The following DNAH12 variants were observed in gnomAD, a reference collection of about 807,000 sequenced individuals.
The protein encoded by DNAH12 is axonemal beta dynein heavy chain 12.
A neutral mutation model predicts 371.5 loss-of-function variants in DNAH12; 285 were observed. The ratio of observed to expected loss-of-function variants is 0.77; its 90% confidence interval spans 0.70 to 0.85. The LOEUF (loss-of-function observed/expected upper bound fraction) is 0.85. Among genes scored for constraint, DNAH12 ranks in the 40% least tolerant of loss-of-function variants. The pLI is 0.00. For synonymous variants in DNAH12, 1,200 were observed against 1,213.0 expected, an observed-to-expected ratio of 0.99 and a Z score of 0.22; for missense variants, 3,611 against 3,689.4, an observed-to-expected ratio of 0.98 and a Z score of 0.55.
chr3:57,325,353 T>C (rs9790207), intron 62 of DNAH12, among the ~76,000 whole-genome samples: 52,497 of 152,062 alleles, frequency 0.35, 9,743 homozygotes, highest in African/African-American at 0.47. Context: ...CTCACACGGC[T>C]GGGTACTCCT....
rs1553680997 is a variant in DNAH12 at position 57,405,814 on chromosome 3, T to G, written c.6415A>C (p.Ile2139Leu). The stretch of plus-strand genomic sequence containing the variant: ...AGAACCTCATGCACAAACAGACGGA[T>G]CATAGTGTGTTTGTTCGCCACGGCG... The part of the protein sequence containing the change: ...RDAVANKHTM[I>L]RLFVHEVLRV... The change falls in exon 41 of 74, where the codon ATC (isoleucine) becomes CTC (leucine). Residue 2139 changes from isoleucine (I) to leucine (L), a missense_variant. Ile to Leu is a conservative substitution (Grantham distance 5). Coordinates refer to ENST00000495027, the MANE Select transcript of DNAH12 (RefSeq NM_001366028.2). The G allele has an allele frequency of 6.4e-7, 1 of 1,551,658 alleles. No homozygotes were observed. The highest frequency in any genetic ancestry group is 8.7e-7 in the Non-Finnish European group (1 of 1,146,982).
chr3:57,347,521 G>A (rs1553658458), intron 60 of DNAH12, among the ~76,000 whole-genome samples: 1 of 152,092 alleles, frequency 6.6e-6, no homozygotes, highest in African/African-American at 2.4e-5. Flanking sequence ...TTTGTGACCA[G>A]CCTGGCCAAC....
At chr3:57,530,226 G>A (rs2068794417) in intron 2 of DNAH12, 1 of 196,112 alleles carries the variant, frequency 5.1e-6, no homozygotes, top group Non-Finnish European at 1.0e-5. Context: ...TCATCCCCCT[G>A]CTTTTTAACT....
intron 33 of DNAH12, 136 bp downstream of exon 33, chr3:57,429,555 G>A (rs1342639942): frequency 2.3e-5 from 17 of 754,580 alleles, no homozygotes; most frequent in Non-Finnish European, 6.4e-6. Flanking sequence ...CCCTAAACAA[G>A]CATACACTGT....
chr3:57,411,552 A>AAG (rs2064206333), intron 39 of DNAH12, among the ~76,000 whole-genome samples: 3 of 68,448 alleles, frequency 4.4e-5, no homozygotes, highest in Admixed American at 3.7e-4. Flanking sequence ...AAAAAAAAAA[A>AAG]AAAGAAAGAA....
intron 13 of DNAH12, among the ~76,000 whole-genome samples, chr3:57,481,208 T>C (rs2066731962): frequency 6.6e-6 from 1 of 152,262 alleles, no homozygotes; most frequent in African/African-American, 2.4e-5. Flanking sequence ...AGCTGATAGG[T>C]AACTTCAGCA....
intron 69 of DNAH12, among the ~76,000 whole-genome samples, chr3:57,308,001 G>A (rs1468241910): frequency 6.6e-6 from 1 of 152,136 alleles, no homozygotes; most frequent in Non-Finnish European, 1.5e-5. Context: ...ACTTCTCAGT[G>A]TTCCATCTGC....
intron 29 of DNAH12, among the ~76,000 whole-genome samples, chr3:57,442,343 C>A (rs2065334663): frequency 6.6e-6 from 1 of 150,910 alleles, no homozygotes; most frequent in Admixed American, 6.6e-5. Flanking sequence ...GTGGTGTTTA[C>A]AAAATATATA....
At chr3:57,357,658 G>C (rs1471795408) in intron 58 of DNAH12, among the ~76,000 whole-genome samples, 1 of 152,134 alleles carries the variant, frequency 6.6e-6, no homozygotes, top group Non-Finnish European at 1.5e-5. Context: ...TCTCTTTCTT[G>C]AGACATACCA....
At chr3:57,376,299 T>A (rs2063279825) in intron 53 of DNAH12, among the ~76,000 whole-genome samples, 1 of 152,066 alleles carries the variant, frequency 6.6e-6, no homozygotes, top group Admixed American at 6.6e-5. Flanking sequence ...GTGGCTGTGC[T>A]ATTTGTTTTA....
intron 40 of DNAH12, among the ~76,000 whole-genome samples, chr3:57,407,137 T>C (rs2064057497): frequency 6.6e-6 from 1 of 152,136 alleles, no homozygotes; most frequent in African/African-American, 2.4e-5. Flanking sequence ...GACCTTGTGA[T>C]CCGCCCACCT....
chr3:57,390,718 G>A (rs1471737271), intron 45 of DNAH12, among the ~76,000 whole-genome samples: 2 of 151,722 alleles, frequency 1.3e-5, no homozygotes, highest in Non-Finnish European at 2.9e-5. Context: ...TCTGTCTTAG[G>A]TGAGGCAGTG....
intron 69 of DNAH12, among the ~76,000 whole-genome samples, chr3:57,302,567 A>ATATATATATATATTTTTT (rs2061380979): frequency 3.6e-5 from 1 of 27,478 alleles, no homozygotes; most frequent in African/African-American, 1.3e-4. Context: ...ATATATATGT[A>ATATATATATATATTTTTT]TTTTTTTTTT....
Position 57,295,542 on chromosome 3 carries a change from A to G in DNAH12, c.11675T>C (p.Ile3892Thr). Reference sequence around the variant, plus strand: ...ATATTTACTTGGTTTTATCCATATGATGGGCATCAGGTCAAACAGAAGTTT... The same window carrying G: ...ATATTTACTTGGTTTTATCCATATGGTGGGCATCAGGTCAAACAGAAGTTT... ...YPKLLFDLMP[I>T]IWIKPTQKSR... Residue 3892 changes from isoleucine to threonine, a missense_variant, in exon 73 of 74, where the codon ATC becomes ACC. Transcript: ENST00000495027. The G allele has an allele frequency of 1.3e-6, 2 of 1,546,634 alleles. 1 individual carries two copies. Among genetic ancestry groups the G allele is most frequent in the Middle Eastern group, 3.3e-4 (2 of 5,978 alleles).
intron 25 of DNAH12, among the ~76,000 whole-genome samples, chr3:57,448,269 G>A (rs1366114971): frequency 6.6e-6 from 1 of 152,096 alleles, no homozygotes. Flanking sequence ...TGGTGGGTTC[G>A]TGGTCTCGCT....
chr3:57,363,941 A>T (rs1405287678), intron 57 of DNAH12, among the ~76,000 whole-genome samples, 155 bp from the exon 58 acceptor site: 2 of 152,182 alleles, frequency 1.3e-5, no homozygotes, highest in East Asian at 3.8e-4. Flanking sequence ...CTATTTGAGA[A>T]GTTCAAGCAA....
intron 55 of DNAH12, among the ~76,000 whole-genome samples, chr3:57,375,017 G>A (rs1195750126): frequency 1.3e-5 from 2 of 152,086 alleles, no homozygotes; most frequent in African/African-American, 4.8e-5. Context: ...ATCTTTGTTA[G>A]AACTCACTGA....
rs1230868026 is a variant in DNAH12, at chr3:57,508,503, C to CAT, written c.578_579dup (p.Val194MetfsTer19). On this transcript the variant is annotated frameshift_variant, in exon 7 of 74. Coordinates refer to ENST00000495027, the MANE Select transcript of DNAH12 (RefSeq NM_001366028.2). LOFTEE classifies it high-confidence loss of function. ...GAGAATATTTGATTTCTTGCCTGCACATAGCTAGAATGCCAAGGATTAGAA... is the reference window on the plus strand; with the variant it reads ...GAGAATATTTGATTTCTTGCCTGCACATATAGCTAGAATGCCAAGGATTAGAA... 1.2e-6 allele frequency: 2 copies of CAT among 1,612,322 alleles called. No individual in the cohort carries two copies. Among genetic ancestry groups the CAT allele is most frequent in the African/African-American group, 2.7e-5 (2 of 74,774 alleles).
At chr3:57,479,737 C>T (rs2153382924) in intron 13 of DNAH12, among the ~76,000 whole-genome samples, 1 of 152,248 alleles carries the variant, frequency 6.6e-6, no homozygotes, top group East Asian at 1.9e-4. Flanking sequence ...GACCACAGTG[C>T]AATCAAACTA....
Sources: gnomAD v4.1 joint callset for allele counts (sites outside exome capture counted in the v4.1 genomes callset) on GRCh38, gnomAD v4.1.1 for gene constraint, MANE v1.5 for transcripts, NCBI Gene and HGNC (gene_info 2026-07-23, HGNC 2026-07-21) for gene names.